Variants in SART3 observed in about 807,000 individuals in gnomAD.
SART3 encodes the protein HIV-1 Tat-interacting protein of 110kDa.
Under a neutral mutation model 122.3 loss-of-function variants are expected in SART3, and 44 were observed. That is an observed-to-expected ratio of 0.36 (90% CI 0.28 to 0.46). The LOEUF is 0.46. Ranked by LOEUF, SART3 falls within the 20% of genes least tolerant of loss-of-function variation. The pLI, the probability that SART3 is intolerant of heterozygous loss-of-function variation, is 1.00. For missense variants in SART3, 1,101 were observed against 1,229.0 expected, an observed-to-expected ratio of 0.90 and a Z score of 1.56; for synonymous variants, 442 against 454.0, an observed-to-expected ratio of 0.97 and a Z score of 0.34.
At chr12:108,550,483 C>T (rs1381212892) in intron 1 of SART3, among the ~76,000 whole-genome samples, 4 of 152,148 alleles carry the variant, frequency 2.6e-5, no homozygotes, top group East Asian at 3.8e-4. Flanking sequence ...AACACGGATA[C>T]CATGTAAGTC....
At chr12:108,539,868 T>G (rs1025553235) in intron 6 of SART3, among the ~76,000 whole-genome samples, 1 of 152,120 alleles carries the variant, frequency 6.6e-6, no homozygotes, top group African/African-American at 2.4e-5. Context: ...TCAAAACAAC[T>G]AAAACTGCTA....
intron 1 of SART3, among the ~76,000 whole-genome samples, chr12:108,555,905 C>G (rs1198623120): frequency 6.6e-6 from 1 of 152,108 alleles, no homozygotes; most frequent in African/African-American, 2.4e-5. Context: ...ATTTGTCTTA[C>G]CAGATAGCAA....
At position 108,536,528 on chromosome 12, in the gene SART3, A is replaced by G; in HGVS notation, c.1432T>C (p.Trp478Arg). 6.2e-7 allele frequency: 1 copy of G among 1,614,200 alleles called. No homozygotes were observed. The highest frequency in any genetic ancestry group is 8.5e-7 in the Non-Finnish European group (1 of 1,180,014). The change falls in exon 11 of 19, where the codon TGG (tryptophan) becomes CGG (arginine). Residue 478 changes from tryptophan to arginine, a missense_variant. Transcript: ENST00000546815. Reference protein sequence around the residue: ...GDPSCVIMQNWARIEARLCNN... With the variant: ...GDPSCVIMQNRARIEARLCNN... ...AAAACATTTACCTCAATCCTAGCCC[A>G]GTTCTGCATAATCACGCAGCTTGGA... is the stretch of plus-strand genomic sequence containing the variant.
chr12:108,553,547 A>C (rs916518813), intron 1 of SART3, among the ~76,000 whole-genome samples: 7 of 152,200 alleles, frequency 4.6e-5, no homozygotes, highest in African/African-American at 1.7e-4. Flanking sequence ...CATTTTAGGA[A>C]TATTTCCCTC....
chr12:108,526,108 G>A lies in SART3; in HGVS notation c.2361C>T (p.Pro787=), dbSNP rs749777613. The change falls in exon 16 of 19, where the codon CCC becomes CCT. Residue 787 remains proline, a synonymous_variant. Coordinates refer to ENST00000546815, the MANE Select transcript of SART3 (RefSeq NM_014706.4). ...VSPCVDKSKN[P]DFKVFRYSTS... Reference sequence around the variant, plus strand: ...TTTTCCATAAACCTACCTTAAAATCGGGGTTTTTGCTCTTATCCACACAGG... The same window carrying A: ...TTTTCCATAAACCTACCTTAAAATCAGGGTTTTTGCTCTTATCCACACAGG... 1.1e-5 allele frequency: 17 copies of A among 1,613,678 alleles called. No homozygotes were observed. The highest frequency in any genetic ancestry group is 4.0e-5 in the African/African-American group (3 of 74,894).
intron 1 of SART3, among the ~76,000 whole-genome samples, chr12:108,558,878 T>TCTCTACTAAAA: frequency 6.6e-6 from 1 of 151,060 alleles, no homozygotes. Context: ...CTAAAAATAG[T>TCTCTACTAAAA]AAAAATTAGC....
chr12:108,526,046 G>T, intron 16 of SART3, 53 bp downstream of exon 16: 2 of 1,372,820 alleles, frequency 1.5e-6, no homozygotes, highest in Non-Finnish European at 2.1e-6. Context: ...GGAAGAAAGT[G>T]CCTGTCTAAA....
At chr12:108,536,144 A>G (rs1398087192) in intron 11 of SART3, among the ~76,000 whole-genome samples, 1 of 152,234 alleles carries the variant, frequency 6.6e-6, no homozygotes, top group Non-Finnish European at 1.5e-5. Context: ...TTACTAGCAA[A>G]GGAATTTTAT....
At chr12:108,547,184 A>G (rs1873465715) in intron 3 of SART3, among the ~76,000 whole-genome samples, 2 of 152,322 alleles carry the variant, frequency 1.3e-5, no homozygotes, top group South Asian at 4.1e-4. Flanking sequence ...ATTCACATGG[A>G]GAAAATATTT....
rs1490160997 is a variant in SART3 at position 108,525,857 on chromosome 12, G to A, written c.2370+242C>T. On this transcript the variant is annotated intron_variant, in intron 16 of 18. Coordinates refer to ENST00000546815, the MANE Select transcript of SART3 (RefSeq NM_014706.4). ...ACAGAGTCTCATGAGGAGTCAATGA[G>A]CTGACACACATAAAGCATTCAGCAC... 6.5e-6 allele frequency: 4 copies of A among 619,482 alleles called. No homozygotes were observed. The East Asian group carries it at 1.1e-4, about 17-fold the overall frequency. 38.4% of individuals were successfully genotyped at this position (619,482 alleles called of 1,614,324 possible).
At chr12:108,554,459 A>G (rs1026786209) in intron 1 of SART3, among the ~76,000 whole-genome samples, 1 of 152,060 alleles carries the variant, frequency 6.6e-6, no homozygotes, top group African/African-American at 2.4e-5. Flanking sequence ...CTACAAAATC[A>G]TCCAGTATAA....
chr12:108,540,286 CGTCTAGAATTCTTTTGCTGTTGTCG>C (rs1220453724), intron 6 of SART3, among the ~76,000 whole-genome samples: 3 of 152,138 alleles, frequency 2.0e-5, no homozygotes, highest in East Asian at 3.9e-4. Flanking sequence ...ACACATTGTC[CGTCTAGAATTCTTTTGCTGTTGTCG>C]GTCTAGAATT....
chr12:108,531,061 T>C (rs554879651), intron 14 of SART3, 143 bp downstream of exon 14: 20 of 664,074 alleles, frequency 3.0e-5, no homozygotes, highest in South Asian at 1.2e-4. Flanking sequence ...AAGACAGGTT[T>C]AAGCATTGAT....
Position 108,560,300 on chromosome 12 carries a change from A to T in SART3, c.312+543T>A, listed in dbSNP as rs1419347187. The T allele has an allele frequency of 3.1e-5, 5 of 159,842 alleles. No homozygotes were observed. The Admixed American group carries it at 3.2e-4, about 10-fold the overall frequency. 9.9% of individuals were successfully genotyped at this position (159,842 alleles called of 1,614,324 possible). On this transcript the variant is annotated intron_variant, in intron 1 of 18. Transcript: ENST00000546815. ...AGTCGAGAGGGTGAGAGAAATTAAG[A>T]AATTCTTACAAGCACATACAAGAGT... is the stretch of plus-strand genomic sequence containing the variant.
chr12:108,549,449 A>G (rs1292841670), intron 1 of SART3: 1 of 495,296 alleles, frequency 2.0e-6, no homozygotes, highest in Non-Finnish European at 3.7e-6. Context: ...GTTAGAAGAC[A>G]TTTGGGTTCT....
At chr12:108,531,985 A>C (rs574732359) in intron 13 of SART3, 96 of 502,948 alleles carry the variant, frequency 1.9e-4, no homozygotes, top group Non-Finnish European at 3.0e-4. Flanking sequence ...TCCCCCCCAC[A>C]GAGAATTAGA....
intron 14 of SART3, 97 bp from the exon 15 acceptor site, chr12:108,530,407 T>TAATGAA: frequency 7.3e-7 from 1 of 1,367,988 alleles, no homozygotes. Flanking sequence ...AATTCATTAC[T>TAATGAA]AATGAAAAGC....
intron 14 of SART3, among the ~76,000 whole-genome samples, chr12:108,530,528 C>A (rs1284521986): frequency 1.3e-5 from 2 of 152,066 alleles, no homozygotes; most frequent in African/African-American, 2.4e-5. Flanking sequence ...AATTTCCTCA[C>A]CCTAATCATT....
At position 108,549,198 on chromosome 12, in the gene SART3, T is replaced by C. The variant is rs777045869; in HGVS notation, c.329A>G (p.Tyr110Cys). Residue 110 changes from tyrosine to cysteine, a missense_variant, in exon 2 of 19, where the codon TAT becomes TGT. Coordinates refer to ENST00000546815, the MANE Select transcript of SART3 (RefSeq NM_014706.4). ...RLEEQLSINV[Y>C]DYNCHVDLIR... ...CAAGTCCACATGGCAGTTGTAGTCATAGACGTTGATAGACAACTAACAGGA... is the reference window on the plus strand; with the variant it reads ...CAAGTCCACATGGCAGTTGTAGTCACAGACGTTGATAGACAACTAACAGGA... 8.1e-6 allele frequency: 13 copies of C among 1,614,058 alleles called. No individual in the cohort carries two copies. The highest frequency in any genetic ancestry group is 1.3e-5 in the African/African-American group (1 of 74,930).
Sources: gnomAD v4.1 joint callset for allele counts (sites outside exome capture counted in the v4.1 genomes callset) on GRCh38, gnomAD v4.1.1 for gene constraint, MANE v1.5 for transcripts, NCBI Gene and HGNC (gene_info 2026-07-23, HGNC 2026-07-21) for gene names.